The following CNPY4 variants were observed in gnomAD, a reference collection of about 807,000 sequenced individuals.
CNPY4 encodes the protein protein canopy homolog 4.
In CNPY4, 33 loss-of-function variants were observed where a neutral mutation model predicts 30.1. The observed-to-expected ratio is 1.10, with a 90% CI of 0.83 to 1.46. The LOEUF (loss-of-function observed/expected upper bound fraction) is 1.46. Ranked by LOEUF, CNPY4 falls within the 40% of genes most tolerant of loss-of-function variation. CNPY4 has a pLI of 0.00. For missense variants in CNPY4, 324 were observed against 302.6 expected (o/e 1.07, Z -0.52); for synonymous variants, 109 against 110.1 (o/e 0.99, Z 0.06).
Position 100,122,305 on chromosome 7 carries a change from C to T in CNPY4, c.165C>T (p.Thr55=), listed in dbSNP as rs143338443. 13 of 1,613,950 alleles carry T rather than the reference C, an allele frequency of 8.1e-6. No homozygotes were observed. The highest frequency in any genetic ancestry group is 2.7e-5 in the African/African-American group (2 of 74,892). ...AGCTACAGGCGGAACTGAGTCGCACCGGTCGATCTCGAGAGGTGCTGGAGC... is the reference window on the plus strand; with the variant it reads ...AGCTACAGGCGGAACTGAGTCGCACTGGTCGATCTCGAGAGGTGCTGGAGC... ...STELQAELSR[T]GRSREVLELG... is the part of the protein sequence containing the mutation. The change falls in exon 2 of 6, where the codon ACC becomes ACT. Residue 55 remains threonine, a synonymous_variant. Transcript: ENST00000262932.
At chr7:100,121,267 T>C (rs13233260) in intron 1 of CNPY4, 3 of 149,696 alleles carry the variant, frequency 2.0e-5, no homozygotes, top group South Asian at 4.2e-4. Flanking sequence ...GCCTCCCAAG[T>C]AGCTGGGATT....
intron 4 of CNPY4, among the ~76,000 whole-genome samples, chr7:100,124,092 C>T (rs1000697193): frequency 6.6e-6 from 1 of 151,320 alleles, no homozygotes; most frequent in African/African-American, 2.4e-5. Context: ...AGCTGAGATC[C>T]CACCACTGCA....
At chr7:100,123,677 C>T (rs1159944362) in intron 4 of CNPY4, among the ~76,000 whole-genome samples, 1 of 152,020 alleles carries the variant, frequency 6.6e-6, no homozygotes. Context: ...CCTGCCACCA[C>T]GCCCAGCTAA....
chr7:100,122,326 G>A lies in CNPY4; in HGVS notation c.186G>A (p.Leu62=). ...LSRTGRSREV[L]ELGQVLDTGK... ...GCACCGGTCGATCTCGAGAGGTGCT[G>A]GAGCTGGGGCAGGTGCTGGATACAG... The change falls in exon 2 of 6, where the codon CTG becomes CTA. Residue 62 remains leucine, a synonymous_variant. Transcript: ENST00000262932. 6.2e-7 allele frequency: 1 copy of A among 1,614,178 alleles called. No homozygotes were observed. Among genetic ancestry groups the A allele is most frequent in the Non-Finnish European group, 8.5e-7 (1 of 1,180,036 alleles).
In CNPY4 at chr7:100,124,600, T is replaced by C. The variant is rs1285413942; in HGVS notation, c.552T>C (p.Cys184=). ...HQEQPLQNFL[C]EGHVLPAAET... is the part of the protein sequence containing the mutation. ...AGCAGCCCCTACAAAATTTTCTCTG[T>C]GAAGGTCATGTGCTCCCAGCTGCTG... The change falls in exon 5 of 6, where the codon TGT becomes TGC. Residue 184 remains cysteine, a synonymous_variant. Coordinates refer to ENST00000262932, the MANE Select transcript of CNPY4 (RefSeq NM_152755.2). The C allele has an allele frequency of 6.2e-7, 1 of 1,613,270 alleles. No homozygotes were observed.
At chr7:100,121,881 T>C (rs11974814) in intron 1 of CNPY4, among the ~76,000 whole-genome samples, 53,782 of 150,592 alleles carry the variant, frequency 0.36, 9,843 homozygotes, top group Non-Finnish European at 0.39. Flanking sequence ...AAACCCTGTC[T>C]CTACTAAAAA....
At chr7:100,121,123 T>TACA (rs1798049575) in intron 1 of CNPY4, 1 of 53,446 alleles carries the variant, frequency 1.9e-5, no homozygotes. Flanking sequence ...TATATTTTTT[T>TACA]TTTTTTTTTT....
chr7:100,123,035 C>T (rs1584588462), intron 4 of CNPY4, 129 bp downstream of exon 4: 2 of 1,072,918 alleles, frequency 1.9e-6, no homozygotes, highest in East Asian at 5.2e-5. Context: ...AGGACTGTGC[C>T]ATTGATTAAA....
intron 4 of CNPY4, among the ~76,000 whole-genome samples, chr7:100,124,199 T>C (rs1002781849): frequency 6.6e-6 from 1 of 151,766 alleles, no homozygotes. Context: ...GAGCACCTAC[T>C]GTGTCCCAGA....
At chr7:100,120,932 G>A (rs1415317775) in intron 1 of CNPY4, among the ~76,000 whole-genome samples, 1 of 151,690 alleles carries the variant, frequency 6.6e-6, no homozygotes. Flanking sequence ...TGTCTATATT[G>A]TTAGTATGCA....
Position 100,124,965 on chromosome 7 carries a change from C to T in CNPY4, c.*77C>T, listed in dbSNP as rs1008525108. The T allele has an allele frequency of 4.7e-6, 7 of 1,490,304 alleles. No homozygotes were observed. In the African/African-American group the frequency reaches 8.4e-5, roughly 18 times the overall value. 92.3% of individuals were successfully genotyped at this position (1,490,304 alleles called of 1,614,324 possible). Reference sequence around the variant, plus strand: ...AGCCTGCACTCTCCCTGCTCCACAGCTTTCAGGGTGTGTTTATGAGTGACT... The same window carrying T: ...AGCCTGCACTCTCCCTGCTCCACAGTTTTCAGGGTGTGTTTATGAGTGACT... On this transcript the variant is annotated 3_prime_UTR_variant, in exon 6 of 6. Coordinates refer to ENST00000262932, the MANE Select transcript of CNPY4 (RefSeq NM_152755.2).
chr7:100,123,046 G>C, intron 4 of CNPY4, 140 bp downstream of exon 4: 1 of 969,198 alleles, frequency 1.0e-6, no homozygotes, highest in South Asian at 2.1e-5. Context: ...ATTGATTAAA[G>C]TGGGTCCAGG....
chr7:100,124,298 C>T, intron 4 of CNPY4: 2 of 524,442 alleles, frequency 3.8e-6, no homozygotes, highest in South Asian at 5.1e-5. Context: ...ATTTTACAGG[C>T]AAGGAGCTGA....
At chr7:100,121,969 G>C (rs1279766965) in intron 1 of CNPY4, 2 of 308,318 alleles carry the variant, frequency 6.5e-6, no homozygotes, top group Admixed American at 9.8e-5. Context: ...AGAATGGCGT[G>C]AACCCAGGAG....
At chr7:100,122,741 T>C (rs762564478) in intron 3 of CNPY4, 43 bp from the exon 4 acceptor site, 3 of 1,582,846 alleles carry the variant, frequency 1.9e-6, no homozygotes, top group South Asian at 1.1e-5. Context: ...AAGGGAGGGG[T>C]GGGGTGGTGA....
Position 100,122,506 on chromosome 7 carries a change from G to C in CNPY4, c.271G>C (p.Glu91Gln). Residue 91 changes from glutamate (E) to glutamine (Q), a missense_variant, in exon 3 of 6, where the codon GAG becomes CAG. By Grantham distance (29) the Glu-to-Gln change is conservative. Coordinates refer to ENST00000262932, the MANE Select transcript of CNPY4 (RefSeq NM_152755.2). ...AGAGACAAGGCTGGAAGAGGCCTTA[G>C]AGAATTTATGTGAGCGGATCCTGGA... is the stretch of plus-strand genomic sequence containing the variant. ...VSETRLEEAL[E>Q]NLCERILDYS... is the part of the protein sequence containing the mutation. 1 of 1,614,032 alleles carries C rather than the reference G, an allele frequency of 6.2e-7. No homozygotes were observed. Among genetic ancestry groups the C allele is most frequent in the Non-Finnish European group, 8.5e-7 (1 of 1,180,014 alleles).
At position 100,119,791 on chromosome 7, in the gene CNPY4, T is replaced by C; in HGVS notation, c.47T>C (p.Val16Ala). 2 of 1,614,154 alleles carry C rather than the reference T, an allele frequency of 1.2e-6. No individual in the cohort carries two copies. The highest frequency in any genetic ancestry group is 1.7e-6 in the Non-Finnish European group (2 of 1,180,014). ...ATATTGCTTTTCCTTTTTTTGGCCGTGCACGAGGCTTGGGCTGGGATGTTG... is the reference window on the plus strand; with the variant it reads ...ATATTGCTTTTCCTTTTTTTGGCCGCGCACGAGGCTTGGGCTGGGATGTTG... The part of the protein sequence containing the change: ...LGILLFLFLA[V>A]HEAWAGMLKE... The change falls in exon 1 of 6, where the codon GTG becomes GCG. Residue 16 changes from valine to alanine, a missense_variant. Physicochemically the swap from Val to Ala is moderately conservative, Grantham distance 64. Coordinates refer to ENST00000262932, the MANE Select transcript of CNPY4 (RefSeq NM_152755.2).
Position 100,122,236 on chromosome 7 carries a change from C to G in CNPY4, c.119-23C>G, listed in dbSNP as rs144817219. The G allele has an allele frequency of 1.2e-5, 19 of 1,613,252 alleles. 1 individual carries two copies. The highest frequency in any genetic ancestry group is 2.2e-5 in the South Asian group (2 of 91,002). On this transcript the variant is annotated intron_variant, in intron 1 of 5. Transcript: ENST00000262932. ...GGTGTGTTTGTCTTTTACCTCCCCC[C>G]GGACGTTTCTCCTCCCCACCAGTGT... is the stretch of plus-strand genomic sequence containing the variant.
At chr7:100,124,201 T>C (rs1798155156) in intron 4 of CNPY4, among the ~76,000 whole-genome samples, 1 of 151,836 alleles carries the variant, frequency 6.6e-6, no homozygotes, top group Non-Finnish European at 1.5e-5. Context: ...GCACCTACTG[T>C]GTCCCAGACT....
Sources: allele counts gnomAD v4.1 joint callset (sites outside exome capture counted in the v4.1 genomes callset), GRCh38; gene constraint gnomAD v4.1.1; transcripts MANE v1.5; gene names NCBI Gene and HGNC (gene_info 2026-07-23, HGNC 2026-07-21).